TMEM267: variants seen among roughly 807,000 people sequenced by gnomAD.
TMEM267 encodes the protein transmembrane protein 267, also known as transmembrane protein C5orf28.
A neutral mutation model predicts 19.3 loss-of-function variants in TMEM267; 20 were observed. The ratio of observed to expected loss-of-function variants is 1.04; its 90% CI spans 0.73 to 1.51. TMEM267 has a LOEUF of 1.51. Ranked by LOEUF, TMEM267 falls within the 40% of genes most tolerant of loss-of-function variation. The pLI, the probability that TMEM267 is intolerant of heterozygous loss-of-function variation, is 0.00. For synonymous variants in TMEM267, 88 were observed against 90.3 expected (o/e 0.97, Z 0.15); for missense variants, 242 against 261.9 (o/e 0.92, Z 0.52).
chr5:43,465,852 C>G (rs564808520), intron 1 of TMEM267, among the ~76,000 whole-genome samples: 50 of 151,550 alleles, frequency 3.3e-4, no homozygotes, highest in Non-Finnish European at 5.0e-4. Flanking sequence ...ATACCTAATG[C>G]TAAATGACAA....
At chr5:43,459,243 A>C (rs1743118437) in intron 1 of TMEM267, among the ~76,000 whole-genome samples, 3 of 152,160 alleles carry the variant, frequency 2.0e-5, no homozygotes, top group Admixed American at 1.3e-4. Context: ...GAACTTCTCA[A>C]TCTCTAGCAG....
At chr5:43,468,257 G>C (rs931358139) in intron 1 of TMEM267, among the ~76,000 whole-genome samples, 3 of 152,180 alleles carry the variant, frequency 2.0e-5, no homozygotes, top group African/African-American at 7.2e-5. Context: ...TGAAAGACGC[G>C]GGGCTTTGGG....
rs1017806104 is a variant in TMEM267 at position 43,445,544 on chromosome 5, C to A, written c.*678G>T. 4.6e-5 allele frequency: 7 copies of A among 151,990 alleles called. No individual in the cohort carries two copies. The highest frequency in any genetic ancestry group is 1.4e-4 in the African/African-American group (6 of 41,402). 9.4% of individuals were successfully genotyped at this position (151,990 alleles called of 1,614,324 possible). On this transcript the variant is annotated 3_prime_UTR_variant, in exon 3 of 3. Coordinates refer to ENST00000397080, the MANE Select transcript of TMEM267 (RefSeq NM_022483.5). ...CTACTTCAGTAAAGTGCTACTGTAG[C>A]CAACATGTTTTAATAATTATTTCCT... is the stretch of plus-strand genomic sequence containing the variant.
chr5:43,463,791 G>A (rs973623922), intron 1 of TMEM267, among the ~76,000 whole-genome samples: 7 of 152,170 alleles, frequency 4.6e-5, no homozygotes, highest in Admixed American at 2.6e-4. Context: ...ATTAGGTATC[G>A]ATGGGATGTA....
intron 2 of TMEM267, 64 bp downstream of exon 2, chr5:43,453,594 T>C (rs1728498344): frequency 7.1e-7 from 1 of 1,414,092 alleles, no homozygotes; most frequent in East Asian, 2.3e-5. Flanking sequence ...AATGATGCTG[T>C]AAAGATCAGC....
At chr5:43,474,833 T>A (rs1182584183) in intron 1 of TMEM267, among the ~76,000 whole-genome samples, 2 of 149,650 alleles carry the variant, frequency 1.3e-5, no homozygotes, top group African/African-American at 4.9e-5. Flanking sequence ...CAAAACCACA[T>A]CTCACGCCAG....
chr5:43,456,423 G>C (rs533617797), intron 1 of TMEM267, among the ~76,000 whole-genome samples: 1 of 97,934 alleles, frequency 1.0e-5, no homozygotes, highest in East Asian at 2.0e-4. Context: ...TTAAAAAATT[G>C]GTAAGTTGAA....
At chr5:43,467,904 TG>T (rs575640001) in intron 1 of TMEM267, among the ~76,000 whole-genome samples, 6 of 151,546 alleles carry the variant, frequency 4.0e-5, no homozygotes, top group South Asian at 4.2e-4. Flanking sequence ...AGCCCTCAGT[TG>T]GGGGGGGCCT....
rs1417764497 is a variant in TMEM267 at position 43,444,795 on chromosome 5, T to C, written c.*1427A>G. ...TTTACCATTATACCAACCAAACTTA[T>C]ACAATAATTACTCTTGAAAAATAAG... On this transcript the variant is annotated 3_prime_UTR_variant, in exon 3 of 3. Transcript: ENST00000397080. 1.3e-5 allele frequency: 2 copies of C among 152,030 alleles called. No individual in the cohort carries two copies. Among genetic ancestry groups the C allele is most frequent in the Non-Finnish European group, 2.9e-5 (2 of 68,024 alleles). The allele number at this position is 152,030 out of a possible 1,614,324, so 9.4% of individuals were successfully genotyped here.
chr5:43,464,164 G>C (rs1477332156), intron 1 of TMEM267, among the ~76,000 whole-genome samples: 1 of 151,898 alleles, frequency 6.6e-6, no homozygotes, highest in East Asian at 1.9e-4. Context: ...ACCAATAACA[G>C]ACAAACAGAG....
chr5:43,469,317 C>T (rs1294093723), intron 1 of TMEM267, among the ~76,000 whole-genome samples: 1 of 151,942 alleles, frequency 6.6e-6, no homozygotes, highest in Non-Finnish European at 1.5e-5. Context: ...AAAAAGAAAA[C>T]TAAAGGCCAA....
chr5:43,453,210 A>G (rs528161126), intron 2 of TMEM267, among the ~76,000 whole-genome samples: 26 of 152,336 alleles, frequency 1.7e-4, no homozygotes, highest in African/African-American at 6.3e-4. Context: ...AAGCTATTCA[A>G]CTTTTATGGA....
chr5:43,469,886 C>A (rs555747331), intron 1 of TMEM267, among the ~76,000 whole-genome samples: 1 of 152,182 alleles, frequency 6.6e-6, no homozygotes, highest in Non-Finnish European at 1.5e-5. Context: ...GCGATGTAAA[C>A]GGATGGCTTA....
intron 2 of TMEM267, among the ~76,000 whole-genome samples, chr5:43,449,084 A>G (rs1742427461): frequency 2.0e-5 from 3 of 152,010 alleles, no homozygotes; most frequent in Admixed American, 2.0e-4. Context: ...AGGTCAAATG[A>G]AAGTTTAATA....
chr5:43,463,930 A>T (rs1236790967), intron 1 of TMEM267, among the ~76,000 whole-genome samples: 1 of 152,186 alleles, frequency 6.6e-6, no homozygotes, highest in Non-Finnish European at 1.5e-5. Context: ...CTCCTATTCA[A>T]CATAGTGTTG....
Position 43,445,964 on chromosome 5 carries a change from GA to G in TMEM267, c.*257del. 4.8e-6 allele frequency: 1 copy of G among 209,478 alleles called. No homozygotes were observed. The highest frequency in any genetic ancestry group is 9.4e-6 in the Non-Finnish European group (1 of 106,150). 13.0% of individuals were successfully genotyped at this position (209,478 alleles called of 1,614,324 possible). Reference sequence around the variant, plus strand: ...AACTACTAGTAAAGCCAGATAAATAGAAAAAAACAGTAAAAATATATTGTGG... The same window carrying G: ...AACTACTAGTAAAGCCAGATAAATAGAAAAAACAGTAAAAATATATTGTGG... On this transcript the variant is annotated 3_prime_UTR_variant, in exon 3 of 3. Transcript: ENST00000397080.
intron 2 of TMEM267, among the ~76,000 whole-genome samples, chr5:43,449,543 T>C (rs1742455392): frequency 1.3e-5 from 2 of 152,160 alleles, no homozygotes; most frequent in Non-Finnish European, 2.9e-5. Flanking sequence ...TTCAAGACAA[T>C]TTAGTAGAGC....
intron 1 of TMEM267, among the ~76,000 whole-genome samples, chr5:43,457,568 T>A (rs987288277): frequency 6.6e-6 from 1 of 152,158 alleles, no homozygotes; most frequent in Non-Finnish European, 1.5e-5. Context: ...CAGCCAGATC[T>A]CGTGAGAACG....
At chr5:43,475,854 G>A (rs955219124) in intron 1 of TMEM267, among the ~76,000 whole-genome samples, 6 of 152,090 alleles carry the variant, frequency 3.9e-5, no homozygotes, top group Admixed American at 6.5e-5. Flanking sequence ...AAAATAGCAA[G>A]AATGAAACAA....
Sources: allele counts gnomAD v4.1 joint callset (sites outside exome capture counted in the v4.1 genomes callset), GRCh38; gene constraint gnomAD v4.1.1; transcripts MANE v1.5; gene names NCBI Gene and HGNC (gene_info 2026-07-23, HGNC 2026-07-21).